Variants in CSMD1 observed in about 807,000 individuals in gnomAD.
CSMD1 encodes CUB and sushi domain-containing protein 1.
In CSMD1, 213 loss-of-function variants were observed where a neutral mutation model predicts 417.5. That is an observed-to-expected ratio of 0.51 (90% CI 0.46 to 0.57). The LOEUF is 0.57. Among genes scored for constraint, CSMD1 ranks in the 20% least tolerant of loss-of-function variants. The pLI, the probability that CSMD1 is intolerant of heterozygous loss-of-function variation, is 0.00. For synonymous variants in CSMD1, 2,862 were observed against 1,736.8 expected (o/e 1.65, Z -16.11); for missense variants, 6,923 against 4,529.7 (o/e 1.53, Z -15.17).
rs1408527911 is a variant in CSMD1, at chr8:4,759,844, G to A, written c.86-122286C>T. 5.3e-5 allele frequency among the ~76,000 whole-genome samples: 8 copies of A among 152,280 alleles called. No homozygotes were observed. The East Asian group carries it at 7.7e-4, about 15-fold the overall frequency. The stretch of plus-strand genomic sequence containing the variant: ...ACATTTGGGTTGATTCCATGTGTTT[G>A]CTATTGTGAATAGTACTGCAATGAA... On this transcript the variant is annotated intron_variant, in intron 1 of 69. Coordinates refer to ENST00000635120, the MANE Select transcript of CSMD1 (RefSeq NM_033225.6).
At chr8:4,656,636 T>C (rs1804251057) in intron 1 of CSMD1, among the ~76,000 whole-genome samples, 1 of 151,454 alleles carries the variant, frequency 6.6e-6, no homozygotes, top group East Asian at 1.9e-4. Context: ...GTGACTAATT[T>C]TAGTTTCAAA....
chr8:4,170,110 G>A lies in CSMD1; in HGVS notation c.416-138011C>T, dbSNP rs1385667471. On this transcript the variant is annotated intron_variant, in intron 3 of 69. Transcript: ENST00000635120. ...GATTAAAAATATGTATCCCTAACCT[G>A]TTTTCTCCCTCCAGGGGCTTCTCTT... is the stretch of plus-strand genomic sequence containing the variant. Among the ~76,000 whole-genome samples the A allele has an allele frequency of 2.0e-5, 3 of 151,776 alleles. No homozygotes were observed. In the South Asian group the frequency reaches 6.2e-4, roughly 31 times the overall value.
chr8:4,449,208 T>C (rs1798988050), intron 2 of CSMD1, among the ~76,000 whole-genome samples: 1 of 152,194 alleles, frequency 6.6e-6, no homozygotes. Context: ...CAGTTTTACT[T>C]CTATTTTCTC....
rs564318770 is a variant in CSMD1, at chr8:3,226,888, TA to T, written c.4346-3022del. ...AATAATAAAAAGTAAAAAAGTAAATTAGCTGATCAATCAGGAAAGAACAAAT... is the reference window on the plus strand; with the variant it reads ...AATAATAAAAAGTAAAAAAGTAAATTGCTGATCAATCAGGAAAGAACAAAT... On this transcript the variant is annotated intron_variant, in intron 27 of 69. Transcript: ENST00000635120. Among the ~76,000 whole-genome samples, 66 of 151,218 alleles carry T rather than the reference TA, an allele frequency of 4.4e-4. 1 individual carries two copies. The South Asian group carries it at 0.013, about 31-fold the overall frequency.
rs2627274 is a variant in CSMD1, at chr8:2,949,978, T to A, written c.10314+253A>T. On this transcript the variant is annotated intron_variant, in intron 67 of 69. Transcript: ENST00000635120. ...AACATCATAGACCCTGGATTTCAGGTCTTGTTCTGTCCTCAACAGTAACCA... is the reference window on the plus strand; with the variant it reads ...AACATCATAGACCCTGGATTTCAGGACTTGTTCTGTCCTCAACAGTAACCA... 7.5e-3 allele frequency among the ~76,000 whole-genome samples: 1,135 copies of A among 152,218 alleles called. 12 individuals are homozygous for A. The highest frequency in any genetic ancestry group is 0.011 in the Non-Finnish European group (733 of 67,994).
chr8:3,793,375 T>C (rs1277593251), intron 5 of CSMD1, among the ~76,000 whole-genome samples: 5 of 152,184 alleles, frequency 3.3e-5, no homozygotes, highest in Non-Finnish European at 5.9e-5. Context: ...TCTTTTTCTG[T>C]TCAGAAACCA....
rs564662874 is a variant in CSMD1, at chr8:4,795,227, A to T, written c.86-157669T>A. ...ACATATTGAGGTGCAATCAGAACAC[A>T]TTTCTAGGTCTGCTGGTGTCATAGC... On this transcript the variant is annotated intron_variant, in intron 1 of 69. Transcript: ENST00000635120. 6.9e-4 allele frequency among the ~76,000 whole-genome samples: 89 copies of T among 128,504 alleles called. 1 individual carries two copies. The South Asian group carries it at 0.021, about 30-fold the overall frequency. 84.3% of individuals were successfully genotyped at this position (128,504 alleles called of 152,430 possible). A position where few individuals can be genotyped will look rare whatever the true frequency, so the allele number is the denominator to read the frequency against.
intron 6 of CSMD1, among the ~76,000 whole-genome samples, chr8:3,721,928 C>T (rs906934062): frequency 3.3e-5 from 5 of 152,156 alleles, no homozygotes; most frequent in African/African-American, 1.2e-4. Flanking sequence ...GATGCATCTA[C>T]ATGCCACAGG....
chr8:3,261,828 G>A (rs1232223376), intron 26 of CSMD1, among the ~76,000 whole-genome samples: 1 of 152,110 alleles, frequency 6.6e-6, no homozygotes, highest in African/African-American at 2.4e-5. Context: ...TAGATGAATG[G>A]CTGCCAGGGA....
chr8:4,139,081 T>A (rs1457268095), intron 3 of CSMD1, among the ~76,000 whole-genome samples: 2 of 152,102 alleles, frequency 1.3e-5, no homozygotes, highest in Non-Finnish European at 2.9e-5. Context: ...CAACAATGTC[T>A]TTTACCGACC....
intron 10 of CSMD1, among the ~76,000 whole-genome samples, chr8:3,506,982 TAG>T (rs1266998739): frequency 2.6e-5 from 4 of 152,234 alleles, no homozygotes; most frequent in South Asian, 2.1e-4. Flanking sequence ...ATCTTTGATA[TAG>T]AGTTTCTAAT....
intron 3 of CSMD1, among the ~76,000 whole-genome samples, chr8:4,270,471 T>C (rs1288692276): frequency 6.6e-6 from 1 of 152,112 alleles, no homozygotes; most frequent in African/African-American, 2.4e-5. Flanking sequence ...CCGCAGAGCT[T>C]TTCTTCTCCC....
chr8:3,406,326 G>A (rs1235013586), intron 14 of CSMD1, 105 bp from the exon 15 acceptor site: 2 of 809,762 alleles, frequency 2.5e-6, no homozygotes, highest in East Asian at 5.6e-5. Flanking sequence ...TTCATATAAT[G>A]TATATAATTA....
chr8:4,357,473 C>T (rs1199520515), intron 3 of CSMD1, among the ~76,000 whole-genome samples: 1 of 152,142 alleles, frequency 6.6e-6, no homozygotes, highest in Non-Finnish European at 1.5e-5. Flanking sequence ...CCTACCATCG[C>T]CCTCACCAAC....
chr8:4,969,778 G>A (rs187636777), intron 1 of CSMD1, among the ~76,000 whole-genome samples: 66 of 152,138 alleles, frequency 4.3e-4, no homozygotes, highest in African/African-American at 1.4e-3. Context: ...CAATGAGGCT[G>A]CTATGTGGAA....
chr8:4,051,875 C>CTTT (rs397792890), intron 3 of CSMD1, among the ~76,000 whole-genome samples: 1 of 132,380 alleles, frequency 7.6e-6, no homozygotes, highest in Non-Finnish European at 1.6e-5. Flanking sequence ...TTTCCTTCCT[C>CTTT]CTTTCTTCCT....
chr8:3,482,829 T>C (rs961664801), intron 11 of CSMD1, among the ~76,000 whole-genome samples: 4 of 152,178 alleles, frequency 2.6e-5, no homozygotes, highest in African/African-American at 9.6e-5. Context: ...TAAAAGGCAG[T>C]AGAAAAATCT....
At position 4,080,757 on chromosome 8, in the gene CSMD1, G is replaced by A. The variant is rs1369734755; in HGVS notation, c.416-48658C>T. ...AAATAATGTTTCATTTTAATATAAG[G>A]TGAATAAGACTGGGCTAAATTACCA... On this transcript the variant is annotated intron_variant, in intron 3 of 69. Coordinates refer to ENST00000635120, the MANE Select transcript of CSMD1 (RefSeq NM_033225.6). Among the ~76,000 whole-genome samples the A allele has an allele frequency of 2.0e-5, 3 of 152,236 alleles. No homozygotes were observed. The South Asian group carries it at 6.2e-4, about 32-fold the overall frequency.
intron 1 of CSMD1, among the ~76,000 whole-genome samples, chr8:4,755,234 T>C (rs1004652733): frequency 2.6e-5 from 4 of 152,240 alleles, no homozygotes; most frequent in African/African-American, 9.6e-5. Context: ...CCTGAGTCTT[T>C]GTTGTTTATA....
Sources: gnomAD v4.1 joint callset for allele counts (sites outside exome capture counted in the v4.1 genomes callset) on GRCh38, gnomAD v4.1.1 for gene constraint, MANE v1.5 for transcripts, NCBI Gene and HGNC (gene_info 2026-07-23, HGNC 2026-07-21) for gene names.